The following MYOM1 variants were observed in gnomAD, a reference collection of about 807,000 sequenced individuals.
MYOM1 encodes myomesin 1.
Under a neutral mutation model 205.3 loss-of-function variants are expected in MYOM1, and 164 were observed. The ratio of observed to expected loss-of-function variants is 0.80; its 90% confidence interval spans 0.70 to 0.91. MYOM1 has a LOEUF of 0.91. Ranked by LOEUF, MYOM1 falls within the 40% of genes least tolerant of loss-of-function variation. MYOM1 has a pLI of 0.00. For missense variants in MYOM1, 2,011 were observed against 2,127.3 expected (o/e 0.95, Z 1.08); for synonymous variants, 772 against 789.4 (o/e 0.98, Z 0.37).
the MYOM1 span, among the ~76,000 whole-genome samples, chr18:3,230,174 G>A: frequency 6.6e-6 from 1 of 152,020 alleles, no homozygotes; most frequent in Non-Finnish European, 1.5e-5. Context: ...CATTATTTGA[G>A]ACCTATTGTG....
At chr18:3,085,304 G>A (rs1177432579) in intron 30 of MYOM1, among the ~76,000 whole-genome samples, 172 bp from the exon 31 acceptor site, 1 of 125,018 alleles carries the variant, frequency 8.0e-6, no homozygotes, top group Non-Finnish European at 1.6e-5. Context: ...CAGCCAGGCT[G>A]GAGTGCAGAT....
chr18:3,166,274 T>TA (rs1163617489), intron 9 of MYOM1, among the ~76,000 whole-genome samples: 8 of 143,030 alleles, frequency 5.6e-5, no homozygotes, highest in Non-Finnish European at 9.4e-5. Flanking sequence ...TTTTTTTTTT[T>TA]TTTTTTTTTT....
intron 5 of MYOM1, among the ~76,000 whole-genome samples, chr18:3,186,409 G>GCA (rs1465541084): frequency 6.6e-6 from 1 of 152,076 alleles, no homozygotes; most frequent in African/African-American, 2.4e-5. Flanking sequence ...TAAGAAAAAA[G>GCA]CATGCAAATA....
intron 5 of MYOM1, among the ~76,000 whole-genome samples, chr18:3,184,157 C>T (rs575912905): frequency 2.6e-5 from 4 of 152,236 alleles, no homozygotes; most frequent in East Asian, 3.9e-4. Context: ...CTGCCCACCT[C>T]GGCCTCCCAA....
intron 33 of MYOM1, among the ~76,000 whole-genome samples, chr18:3,079,920 G>A (rs115227480): frequency 1.2e-4 from 19 of 152,226 alleles, no homozygotes; most frequent in African/African-American, 4.1e-4. Flanking sequence ...TCTCTGTCCC[G>A]GGATGTGAGT....
chr18:3,078,341 T>G (rs2079043933), intron 34 of MYOM1, among the ~76,000 whole-genome samples: 2 of 152,090 alleles, frequency 1.3e-5, no homozygotes, highest in South Asian at 4.1e-4. Flanking sequence ...CATGCCCACC[T>G]GAGATTGTAT....
intron 16 of MYOM1, among the ~76,000 whole-genome samples, chr18:3,131,955 T>C (rs556271832): frequency 6.6e-6 from 1 of 150,482 alleles, no homozygotes; most frequent in Non-Finnish European, 1.5e-5. Context: ...GTATATAAAG[T>C]ACCTATATAG....
intron 5 of MYOM1, among the ~76,000 whole-genome samples, chr18:3,176,695 A>G (rs959069498): frequency 2.6e-5 from 4 of 152,140 alleles, no homozygotes; most frequent in African/African-American, 9.7e-5. Flanking sequence ...AGCCTGGCCA[A>G]CGTGGTGAAA....
At chr18:3,088,791 C>G (rs1405291752) in intron 29 of MYOM1, among the ~76,000 whole-genome samples, 4 of 152,150 alleles carry the variant, frequency 2.6e-5, no homozygotes, top group African/African-American at 9.7e-5. Flanking sequence ...TATTGTTGCA[C>G]CAGCCTCACA....
At chr18:3,238,827 C>T in the MYOM1 span, among the ~76,000 whole-genome samples, 3 of 152,182 alleles carry the variant, frequency 2.0e-5, no homozygotes, top group Non-Finnish European at 2.9e-5. Context: ...CATTCCCTGG[C>T]TCCTGACCCC....
intron 25 of MYOM1, among the ~76,000 whole-genome samples, chr18:3,094,789 G>A (rs1369886104): frequency 6.6e-6 from 1 of 151,702 alleles, no homozygotes; most frequent in Non-Finnish European, 1.5e-5. Flanking sequence ...CGCCTCCTGA[G>A]TAGCTCACAC....
intron 4 of MYOM1, among the ~76,000 whole-genome samples, chr18:3,188,467 A>C (rs1424959818): frequency 1.3e-5 from 2 of 151,738 alleles, no homozygotes; most frequent in Non-Finnish European, 2.9e-5. Flanking sequence ...AAAAAAAAAA[A>C]CAACAACGAA....
the MYOM1 span, chr18:3,246,324 T>A: frequency 6.6e-5 from 10 of 152,178 alleles, no homozygotes; most frequent in African/African-American, 2.2e-4. Flanking sequence ...GTCCCCGCCC[T>A]CGCCGATAAG....
At chr18:3,090,970 C>T (rs949009052) in intron 26 of MYOM1, among the ~76,000 whole-genome samples, 168 bp from the exon 27 acceptor site, 1 of 151,918 alleles carries the variant, frequency 6.6e-6, no homozygotes, top group South Asian at 2.1e-4. Context: ...TTACTTGAGG[C>T]CAGAAGTTTG....
intron 2 of MYOM1, among the ~76,000 whole-genome samples, chr18:3,210,105 A>C (rs1363117724): frequency 6.6e-6 from 1 of 152,202 alleles, no homozygotes; most frequent in African/African-American, 2.4e-5. Flanking sequence ...ACAGAAATAG[A>C]TATGTAGAAA....
rs972190701 is a variant in MYOM1, at chr18:3,135,381, C to T, written c.2209+166G>A. 2 of 568,000 alleles carry T rather than the reference C, an allele frequency of 3.5e-6. No homozygotes were observed. Among genetic ancestry groups the T allele is most frequent in the African/African-American group, 3.8e-5 (2 of 53,042 alleles). 35.2% of individuals were successfully genotyped at this position (568,000 alleles called of 1,614,324 possible). A position where few individuals can be genotyped will look rare whatever the true frequency, so the allele number is the denominator to read the frequency against. On this transcript the variant is annotated intron_variant, in intron 15 of 37. Transcript: ENST00000356443. The surrounding 1 kb of genome is among the most constrained non-coding windows in gnomAD (Gnocchi z 4.1). ...CCCAAAGAAGTTTACTTTTCATAAA[C>T]AAAAATAATGAATTTTTGTTTAATG... is the stretch of plus-strand genomic sequence containing the variant.
At chr18:3,174,870 T>C (rs1274363524) in intron 6 of MYOM1, among the ~76,000 whole-genome samples, 1 of 152,216 alleles carries the variant, frequency 6.6e-6, no homozygotes, top group Non-Finnish European at 1.5e-5. Context: ...CATTTGGATG[T>C]TCTTCTAAGT....
At chr18:3,083,491 C>G (rs1366820871) in intron 33 of MYOM1, among the ~76,000 whole-genome samples, 2 of 131,510 alleles carry the variant, frequency 1.5e-5, no homozygotes, top group Non-Finnish European at 3.1e-5. Flanking sequence ...TACAGTGGTG[C>G]AATCTCGGCT....
chr18:3,132,150 AAT>A (rs762831552), intron 16 of MYOM1, among the ~76,000 whole-genome samples: 14 of 142,296 alleles, frequency 9.8e-5, no homozygotes, highest in Non-Finnish European at 1.7e-4. Flanking sequence ...TATACTCTAA[AAT>A]ATATATATAT....
Sources: allele counts gnomAD v4.1 joint callset (sites outside exome capture counted in the v4.1 genomes callset), GRCh38; gene constraint gnomAD v4.1.1; non-coding constraint Gnocchi (gnomAD v3.1); transcripts MANE v1.5; gene names NCBI Gene and HGNC (gene_info 2026-07-23, HGNC 2026-07-21).